SAMMSON: variants seen among roughly 807,000 people sequenced by gnomAD.
SAMMSON encodes survival associated mitochondrial melanoma specific oncogenic non-coding RNA, also known as long intergenic non-protein coding RNA 1212.
chr3:70,058,035 C>T lies in SAMMSON; in HGVS notation n.418-13441C>T, dbSNP rs1021685479. On this transcript the variant is annotated intron_variant and non_coding_transcript_variant, in intron 3 of 9. Coordinates refer to ENST00000642114, the Ensembl canonical transcript of SAMMSON. Reference sequence around the variant, plus strand: ...CTATTAACAAAAAAGGTTTTGGGATCTGAATTAGTCAAAATATCTCTTCAT... The same window carrying T: ...CTATTAACAAAAAAGGTTTTGGGATTTGAATTAGTCAAAATATCTCTTCAT... Among the ~76,000 whole-genome samples the T allele has an allele frequency of 2.0e-5, 3 of 152,018 alleles. No individual in the cohort carries two copies. The South Asian group carries it at 6.2e-4, about 32-fold the overall frequency.
chr3:70,048,111 A>G (rs1258125091), intron 3 of SAMMSON, among the ~76,000 whole-genome samples: 1 of 151,170 alleles, frequency 6.6e-6, no homozygotes. Flanking sequence ...TTATTCATTC[A>G]TTTTTTTTTA....
At chr3:70,183,137 T>C (rs775267584) in intron 4 of SAMMSON, among the ~76,000 whole-genome samples, 2 of 152,210 alleles carry the variant, frequency 1.3e-5, no homozygotes, top group Middle Eastern at 3.2e-3. Flanking sequence ...TCTCATTTTT[T>C]CTTCACTGTA....
At chr3:70,204,009 C>T (rs1166821216) in intron 4 of SAMMSON, among the ~76,000 whole-genome samples, 1 of 152,104 alleles carries the variant, frequency 6.6e-6, no homozygotes, top group Non-Finnish European at 1.5e-5. Context: ...GTGTGATGTG[C>T]AGTAAAGATC....
intron 2 of SAMMSON, among the ~76,000 whole-genome samples, chr3:70,418,965 C>CTTTCCTTTCCTTTCT (rs1701287579): frequency 2.7e-5 from 2 of 72,738 alleles, no homozygotes; most frequent in South Asian, 5.1e-4. Flanking sequence ...CTTTCCTTTC[C>CTTTCCTTTCCTTTCT]TTTCCTTCCT....
chr3:70,307,242 A>G (rs1173210995), intron 7 of SAMMSON, among the ~76,000 whole-genome samples: 1 of 152,110 alleles, frequency 6.6e-6, no homozygotes, highest in Non-Finnish European at 1.5e-5. Flanking sequence ...AACCTTTAAC[A>G]ATCAGGAGAT....
intron 4 of SAMMSON, among the ~76,000 whole-genome samples, chr3:70,177,393 A>G (rs1179559704): frequency 6.6e-6 from 1 of 152,212 alleles, no homozygotes; most frequent in Non-Finnish European, 1.5e-5. Flanking sequence ...GGTAGAAAAC[A>G]CAGATAAAAA....
At chr3:70,267,606 C>T (rs1316179476) in intron 6 of SAMMSON, among the ~76,000 whole-genome samples, 1 of 126,424 alleles carries the variant, frequency 7.9e-6, no homozygotes, top group African/African-American at 3.1e-5. Context: ...TTAGTAAAGA[C>T]GGGGTTTCAC....
intron 7 of SAMMSON, among the ~76,000 whole-genome samples, chr3:70,344,435 C>T (rs1702734651): frequency 6.6e-6 from 1 of 152,098 alleles, no homozygotes; most frequent in Non-Finnish European, 1.5e-5. Flanking sequence ...CTTCCAGTTC[C>T]CCATCCATCC....
At chr3:70,258,263 C>T (rs987172866) in intron 6 of SAMMSON, among the ~76,000 whole-genome samples, 15 of 152,074 alleles carry the variant, frequency 9.9e-5, no homozygotes, top group African/African-American at 3.6e-4. Flanking sequence ...ACACCAAAAG[C>T]ATGAGCCATA....
At chr3:70,119,933 C>T (rs116249701) in intron 4 of SAMMSON, among the ~76,000 whole-genome samples, 1,696 of 152,070 alleles carry the variant, frequency 0.011, 29 homozygotes, top group African/African-American at 0.039. Flanking sequence ...TTAATAAATG[C>T]CCAGTGGATA....
At chr3:70,176,159 A>G (rs1422225875) in intron 4 of SAMMSON, among the ~76,000 whole-genome samples, 2 of 152,122 alleles carry the variant, frequency 1.3e-5, no homozygotes, top group Admixed American at 1.3e-4. Context: ...ATGCTTTAAT[A>G]TATTTCTTTT....
intron 7 of SAMMSON, among the ~76,000 whole-genome samples, chr3:70,346,481 C>T (rs572561525): frequency 1.3e-5 from 2 of 151,970 alleles, no homozygotes; most frequent in Non-Finnish European, 2.9e-5. Context: ...TTTAGGTTTA[C>T]TTATTTGCAT....
intron 6 of SAMMSON, among the ~76,000 whole-genome samples, chr3:70,279,160 TG>T (rs1334735213): frequency 6.6e-6 from 1 of 151,218 alleles, no homozygotes; most frequent in Admixed American, 6.6e-5. Context: ...CAACAATAAG[TG>T]CCATTCCATA....
intron 7 of SAMMSON, among the ~76,000 whole-genome samples, chr3:70,295,561 G>A (rs897111940): frequency 6.6e-6 from 1 of 152,096 alleles, no homozygotes; most frequent in Non-Finnish European, 1.5e-5. Context: ...AAATGAGCCA[G>A]GCTTGGTGGT....
At chr3:70,243,599 G>T (rs1483378263) in intron 4 of SAMMSON, among the ~76,000 whole-genome samples, 2 of 152,116 alleles carry the variant, frequency 1.3e-5, no homozygotes, top group African/African-American at 4.8e-5. Flanking sequence ...TGTCGTGGGG[G>T]TGCTGTGCTA....
At chr3:70,366,460 G>A (rs1702920161) in intron 9 of SAMMSON, among the ~76,000 whole-genome samples, 1 of 105,326 alleles carries the variant, frequency 9.5e-6, no homozygotes, top group East Asian at 2.7e-4. Context: ...TTCCATGTCT[G>A]TTTTTTTGTT....
intron 6 of SAMMSON, among the ~76,000 whole-genome samples, chr3:70,262,807 C>G (rs1701879380): frequency 1.3e-5 from 2 of 152,080 alleles, no homozygotes; most frequent in South Asian, 2.1e-4. Context: ...TGTTCCATCT[C>G]TCTCCTCTCC....
chr3:70,017,768 A>G (rs1376793146), intron 3 of SAMMSON, among the ~76,000 whole-genome samples: 1 of 152,160 alleles, frequency 6.6e-6, no homozygotes, highest in African/African-American at 2.4e-5. Context: ...ATCAATACCT[A>G]ATTTATTGAT....
chr3:70,267,574 T>TG (rs367935584), intron 6 of SAMMSON, among the ~76,000 whole-genome samples: 15,106 of 102,206 alleles, frequency 0.15, 1,252 homozygotes, highest in Admixed American at 0.23. Flanking sequence ...GGCTAATTTT[T>TG]TGTATTTTTT....
Sources: allele counts gnomAD v4.1 joint callset (sites outside exome capture counted in the v4.1 genomes callset), GRCh38; gene constraint gnomAD v4.1.1; transcripts MANE v1.5; gene names NCBI Gene and HGNC (gene_info 2026-07-23, HGNC 2026-07-21).